MAGI2: variants seen among roughly 807,000 people sequenced by gnomAD.
The protein encoded by MAGI2 is membrane associated guanylate kinase, WW and PDZ domain containing 2.
MAGI2 carries 35 observed loss-of-function variants against 133.3 expected under a neutral mutation model. The observed-to-expected ratio is 0.26, with a 90% CI of 0.20 to 0.35. The LOEUF is 0.35. Among genes scored for constraint, MAGI2 ranks in the 10% least tolerant of loss-of-function variants. MAGI2 has a pLI of 1.00. For synonymous variants in MAGI2, 729 were observed against 710.6 expected (o/e 1.03, Z -0.41); for missense variants, 1,636 against 1,863.4 (o/e 0.88, Z 2.25).
At chr7:78,351,062 A>G (rs970716805) in intron 7 of MAGI2, among the ~76,000 whole-genome samples, 4 of 152,184 alleles carry the variant, frequency 2.6e-5, no homozygotes, top group African/African-American at 9.7e-5. Flanking sequence ...CACAGATAAA[A>G]TGTTTCCAAG....
chr7:79,327,748 T>C (rs1353913305), intron 1 of MAGI2, among the ~76,000 whole-genome samples: 2 of 152,026 alleles, frequency 1.3e-5, no homozygotes, highest in Non-Finnish European at 2.9e-5. Context: ...ACACACTCTT[T>C]AGATGGAATT....
At chr7:78,930,858 T>C (rs1800057055) in intron 2 of MAGI2, among the ~76,000 whole-genome samples, 1 of 152,070 alleles carries the variant, frequency 6.6e-6, no homozygotes, top group Non-Finnish European at 1.5e-5. Context: ...ACCCAAGGTA[T>C]GAATAGTGGG....
intron 2 of MAGI2, among the ~76,000 whole-genome samples, chr7:78,938,045 T>C (rs924219369): frequency 2.6e-5 from 4 of 152,164 alleles, no homozygotes; most frequent in Admixed American, 6.6e-5. Context: ...GTTTAAATAT[T>C]GTATGGCAAA....
chr7:79,168,801 C>T (rs1391195968), intron 1 of MAGI2, among the ~76,000 whole-genome samples: 1 of 151,192 alleles, frequency 6.6e-6, no homozygotes, highest in African/African-American at 2.4e-5. Flanking sequence ...GGCAGTAGGC[C>T]CCTAAGTCAG....
intron 1 of MAGI2, among the ~76,000 whole-genome samples, chr7:79,043,653 C>G (rs143416692): frequency 1.2e-4 from 18 of 149,550 alleles, no homozygotes; most frequent in African/African-American, 4.2e-4. Context: ...GCTAGGTAGA[C>G]TAATAAAGAA....
intron 1 of MAGI2, among the ~76,000 whole-genome samples, chr7:79,226,706 C>T (rs1023091675): frequency 1.3e-5 from 2 of 152,032 alleles, no homozygotes; most frequent in Admixed American, 1.3e-4. Flanking sequence ...AATGGAGTCA[C>T]AGGCAGATTT....
At chr7:78,596,325 T>C (rs1804609383) in intron 3 of MAGI2, among the ~76,000 whole-genome samples, 1 of 151,962 alleles carries the variant, frequency 6.6e-6, no homozygotes, top group Admixed American at 6.6e-5. Flanking sequence ...GAAGATGAAG[T>C]GTAGTTCCTT....
At chr7:78,432,371 T>C (rs1313096157) in intron 6 of MAGI2, among the ~76,000 whole-genome samples, 1 of 152,102 alleles carries the variant, frequency 6.6e-6, no homozygotes, top group Non-Finnish European at 1.5e-5. Flanking sequence ...ATTTTTCAGA[T>C]TGTAGTTCTA....
rs1040187575 is a variant in MAGI2, at chr7:78,330,448, T to A, written c.1408+13330A>T. Among the ~76,000 whole-genome samples, 62 of 71,456 alleles carry A rather than the reference T, an allele frequency of 8.7e-4. 19 individuals carry two copies. The highest frequency in any genetic ancestry group is 1.5e-3 in the Admixed American group (12 of 7,916). 46.9% of individuals were successfully genotyped at this position (71,456 alleles called of 152,430 possible). A position where few individuals can be genotyped will look rare whatever the true frequency, so the allele number is the denominator to read the frequency against. ...CTGGCTAACACGGTGAAACCCTGTC[T>A]CTACTAAAAATACAAAAAATTAGCC... On this transcript the variant is annotated intron_variant, in intron 9 of 21. Coordinates refer to ENST00000354212, the MANE Select transcript of MAGI2 (RefSeq NM_012301.4).
chr7:79,268,707 C>T (rs535689429), intron 1 of MAGI2, among the ~76,000 whole-genome samples: 82 of 152,110 alleles, frequency 5.4e-4, no homozygotes, highest in Non-Finnish European at 9.3e-4. Context: ...GTATTTGTGG[C>T]CTTTTTGGGT....
intron 2 of MAGI2, among the ~76,000 whole-genome samples, chr7:78,854,406 G>A (rs1397688900): frequency 2.0e-5 from 3 of 152,034 alleles, no homozygotes; most frequent in Non-Finnish European, 2.9e-5. Flanking sequence ...GTTTTATAAT[G>A]AGTAAGGAAA....
chr7:78,862,613 T>G (rs1211776323), intron 2 of MAGI2, among the ~76,000 whole-genome samples: 1 of 152,240 alleles, frequency 6.6e-6, no homozygotes, highest in African/African-American at 2.4e-5. Context: ...ATTCATGAAC[T>G]TTTTCCTAAC....
chr7:79,285,268 A>G (rs1183171297), intron 1 of MAGI2, among the ~76,000 whole-genome samples: 3 of 152,132 alleles, frequency 2.0e-5, no homozygotes, highest in African/African-American at 7.2e-5. Flanking sequence ...AGCATAAACT[A>G]ACACTGTCTG....
At chr7:78,301,816 G>A (rs1337212687) in intron 9 of MAGI2, among the ~76,000 whole-genome samples, 1 of 152,138 alleles carries the variant, frequency 6.6e-6, no homozygotes, top group Non-Finnish European at 1.5e-5. Flanking sequence ...AAGATCAGGG[G>A]TTCCAGAGCC....
At chr7:78,349,410 C>T (rs1467128186) in intron 7 of MAGI2, among the ~76,000 whole-genome samples, 1 of 152,176 alleles carries the variant, frequency 6.6e-6, no homozygotes, top group Non-Finnish European at 1.5e-5. Flanking sequence ...CATTGTTCGT[C>T]ATATGCATAA....
intron 13 of MAGI2, among the ~76,000 whole-genome samples, chr7:78,183,547 C>T (rs1376902919): frequency 6.6e-6 from 1 of 151,872 alleles, no homozygotes; most frequent in Non-Finnish European, 1.5e-5. Context: ...TGCAGGCATG[C>T]ACCACCGCAA....
chr7:78,899,648 G>T (rs1797461300), intron 2 of MAGI2, among the ~76,000 whole-genome samples: 1 of 152,130 alleles, frequency 6.6e-6, no homozygotes, highest in Non-Finnish European at 1.5e-5. Context: ...GGAATCCCCT[G>T]GGAGGTGTGA....
intron 9 of MAGI2, 119 bp downstream of exon 9, chr7:78,343,659 C>G (rs1190610980): frequency 4.7e-6 from 3 of 644,088 alleles, no homozygotes; most frequent in African/African-American, 1.9e-5. Context: ...ATGCTTCATG[C>G]TTTTCCTAAA....
chr7:78,539,861 T>C (rs991541320), intron 3 of MAGI2, among the ~76,000 whole-genome samples: 1 of 152,220 alleles, frequency 6.6e-6, no homozygotes, highest in African/African-American at 2.4e-5. Flanking sequence ...TTTTCTTGAA[T>C]GCTGATTGTG....
Sources: gnomAD v4.1 joint callset for allele counts (sites outside exome capture counted in the v4.1 genomes callset) on GRCh38, gnomAD v4.1.1 for gene constraint, MANE v1.5 for transcripts, NCBI Gene and HGNC (gene_info 2026-07-23, HGNC 2026-07-21) for gene names.